Variants in MAP2 observed in about 807,000 individuals in gnomAD.
The protein encoded by MAP2 is microtubule associated protein 2.
MAP2 carries 14 observed loss-of-function variants against 137.6 expected under a neutral mutation model. The observed-to-expected ratio is 0.10, with a 90% CI of 0.07 to 0.16. The LOEUF is 0.16. Among genes scored for constraint, MAP2 ranks in the 10% least tolerant of loss-of-function variants. The probability of loss-of-function intolerance (pLI) is 1.00; values close to 1 mark genes in which losing one functional copy is unlikely to be tolerated. For missense variants in MAP2, 2,088 were observed against 2,191.5 expected, an observed-to-expected ratio of 0.95 and a Z score of 0.94; for synonymous variants, 786 against 782.3, an observed-to-expected ratio of 1.00 and a Z score of -0.08.
At chr2:209,514,801 G>A (rs1218117875) in intron 2 of MAP2, among the ~76,000 whole-genome samples, 1 of 152,044 alleles carries the variant, frequency 6.6e-6, no homozygotes, top group African/African-American at 2.4e-5. Context: ...TTATTCACCT[G>A]AGAATAGAAA....
intron 2 of MAP2, among the ~76,000 whole-genome samples, chr2:209,558,046 G>C (rs900086737): frequency 1.2e-4 from 18 of 152,108 alleles, no homozygotes; most frequent in African/African-American, 4.3e-4. Context: ...ATGAATATCT[G>C]TGTGTACTTC....
At position 209,705,715 on chromosome 2, in the gene MAP2, C is replaced by T. The variant is rs758141796; in HGVS notation, c.4720C>T (p.Arg1574Trp). Residue 1574 changes from arginine (R) to tryptophan (W), a missense_variant, in exon 12 of 16, where the codon CGG (arginine) becomes TGG (tryptophan). Transcript: ENST00000682079. ...SLNSSISSSA[R>W]RTTRSEPIRR... ...CAACAGTTCTATCTCTTCTTCAGCA[C>T]GGCGGACCACCAGTAGGTTTATTTT... is the stretch of plus-strand genomic sequence containing the variant. 6.0e-5 allele frequency: 96 copies of T among 1,612,108 alleles called. No homozygotes were observed. The Admixed American group carries it at 6.9e-4, about 12-fold the overall frequency.
intron 11 of MAP2, among the ~76,000 whole-genome samples, chr2:209,701,323 T>C (rs1451393344): frequency 6.6e-6 from 1 of 151,924 alleles, no homozygotes; most frequent in Non-Finnish European, 1.5e-5. Flanking sequence ...GTGTTTAACT[T>C]CTTCATATGT....
At chr2:209,701,640 C>A (rs1183161654) in intron 11 of MAP2, among the ~76,000 whole-genome samples, 2 of 151,942 alleles carry the variant, frequency 1.3e-5, no homozygotes, top group Middle Eastern at 3.2e-3. Context: ...GTGAGTGATT[C>A]ATTTCTTTGA....
At chr2:209,702,395 G>A (rs907596082) in intron 11 of MAP2, among the ~76,000 whole-genome samples, 2 of 151,466 alleles carry the variant, frequency 1.3e-5, no homozygotes, top group African/African-American at 4.8e-5. Flanking sequence ...CTAAAACCCC[G>A]AGTAACTTTT....
At position 209,496,571 on chromosome 2, in the gene MAP2, T is replaced by A. The variant is rs527442902; in HGVS notation, c.-221-11021T>A. Among the ~76,000 whole-genome samples, 12 of 152,336 alleles carry A rather than the reference T, an allele frequency of 7.9e-5. No homozygotes were observed. The South Asian group carries it at 2.1e-3, about 26-fold the overall frequency. ...ATATCACGTAAAATCATACCCTCCA[T>A]GAATAGGTCAGTTGCCTGATGAATA... On this transcript the variant is annotated intron_variant, in intron 1 of 15. Coordinates refer to ENST00000682079, the MANE Select transcript of MAP2 (RefSeq NM_001375505.1).
In MAP2 at chr2:209,609,169, T is replaced by C. The variant is rs2085898608; in HGVS notation, c.-106-15884T>C. 2.0e-5 allele frequency among the ~76,000 whole-genome samples: 3 copies of C among 152,136 alleles called. No homozygotes were observed. The South Asian group carries it at 6.2e-4, about 32-fold the overall frequency. On this transcript the variant is annotated intron_variant, in intron 3 of 15. Coordinates refer to ENST00000682079, the MANE Select transcript of MAP2 (RefSeq NM_001375505.1). ...TTAATGCCTAATATATAGTAACAAA[T>C]GTATATTCATTCTGAATATACATTT...
intron 3 of MAP2, among the ~76,000 whole-genome samples, chr2:209,582,338 T>A (rs376033934): frequency 6.6e-6 from 1 of 152,134 alleles, no homozygotes; most frequent in East Asian, 1.9e-4. Context: ...TAGAAATTTC[T>A]TTAGGCTGTA....
chr2:209,538,751 A>G (rs1333981350), intron 2 of MAP2, among the ~76,000 whole-genome samples: 1 of 152,138 alleles, frequency 6.6e-6, no homozygotes, highest in Non-Finnish European at 1.5e-5. Context: ...AAAAACAAGC[A>G]TTTCTTTCCT....
intron 3 of MAP2, among the ~76,000 whole-genome samples, chr2:209,595,158 A>G (rs549786888): frequency 8.9e-4 from 135 of 152,280 alleles, no homozygotes; most frequent in African/African-American, 2.5e-3. Context: ...GAATGTAGTT[A>G]ATAGACTCTC....
intron 2 of MAP2, among the ~76,000 whole-genome samples, chr2:209,522,793 A>T (rs939845643): frequency 2.6e-5 from 4 of 152,140 alleles, no homozygotes; most frequent in African/African-American, 9.7e-5. Context: ...CTCCCTCAGT[A>T]ACAAAACGGT....
At chr2:209,580,650 G>C (rs994363881) in intron 3 of MAP2, among the ~76,000 whole-genome samples, 3 of 152,130 alleles carry the variant, frequency 2.0e-5, no homozygotes, top group African/African-American at 7.2e-5. Flanking sequence ...GAGGTTGTTA[G>C]TTCTTAAAAG....
At chr2:209,461,828 C>G (rs1702892340) in intron 1 of MAP2, among the ~76,000 whole-genome samples, 1 of 152,100 alleles carries the variant, frequency 6.6e-6, no homozygotes. Flanking sequence ...TCTTCTTTTG[C>G]CACTCTTCAG....
At chr2:209,608,724 T>G (rs1354850457) in intron 3 of MAP2, among the ~76,000 whole-genome samples, 2 of 152,144 alleles carry the variant, frequency 1.3e-5, no homozygotes, top group East Asian at 3.9e-4. Flanking sequence ...TTCTTCTGTA[T>G]GCTGAAATAA....
intron 3 of MAP2, among the ~76,000 whole-genome samples, chr2:209,622,244 G>T (rs1408066921): frequency 1.3e-5 from 2 of 152,166 alleles, no homozygotes; most frequent in Admixed American, 6.5e-5. Context: ...GTACTTTGTA[G>T]GTAATTCTAG....
Position 209,710,172 on chromosome 2 carries a change from A to G in MAP2, c.4991A>G (p.Asn1664Ser), listed in dbSNP as rs1474583506. 1 of 1,613,716 alleles carries G rather than the reference A, an allele frequency of 6.2e-7. No homozygotes were observed. The highest frequency in any genetic ancestry group is 1.1e-5 in the South Asian group (1 of 91,064). Residue 1664 changes from asparagine (N) to serine (S), a missense_variant, in exon 13 of 16, where the codon AAC becomes AGC. This residue lies in a region of MAP2 where 591 missense variants were observed against 642.6 expected (regional missense o/e 0.92). Coordinates refer to ENST00000682079, the MANE Select transcript of MAP2 (RefSeq NM_001375505.1). ...ACTCCCAAGCAGCTTCGGCTTATTA[A>G]CCAACCACTGCCAGACCTGAAGAAT... ...PATPKQLRLI[N>S]QPLPDLKNVK... is the part of the protein sequence containing the mutation.
chr2:209,467,865 T>C (rs892801027), intron 1 of MAP2, among the ~76,000 whole-genome samples: 2 of 152,214 alleles, frequency 1.3e-5, no homozygotes, highest in Admixed American at 6.5e-5. Flanking sequence ...TAATGGTACC[T>C]GTCTCATAGG....
intron 2 of MAP2, among the ~76,000 whole-genome samples, chr2:209,565,031 T>C (rs16843115): frequency 0.02 from 2,992 of 152,226 alleles, 97 homozygotes; most frequent in African/African-American, 0.068. Flanking sequence ...CCATCATAAA[T>C]ACCGAGCTCA....
At chr2:209,608,249 A>G (rs531377074) in intron 3 of MAP2, among the ~76,000 whole-genome samples, 73 of 152,230 alleles carry the variant, frequency 4.8e-4, no homozygotes, top group African/African-American at 7.9e-4. Context: ...GTACACATAT[A>G]TAAGAGGATA....
Sources: gnomAD v4.1 joint callset for allele counts (sites outside exome capture counted in the v4.1 genomes callset) on GRCh38, gnomAD v4.1.1 for gene constraint, gnomAD v4.1.1 regional missense constraint, MANE v1.5 for transcripts, NCBI Gene and HGNC (gene_info 2026-07-23, HGNC 2026-07-21) for gene names.